ALCAM: variants seen among roughly 807,000 people sequenced by gnomAD.
ALCAM encodes activated leukocyte cell adhesion molecule.
A neutral mutation model predicts 70.9 loss-of-function variants in ALCAM; 30 were observed. That is an observed-to-expected ratio of 0.42 (90% CI 0.32 to 0.57). The LOEUF is 0.57. Among genes scored for constraint, ALCAM ranks in the 20% least tolerant of loss-of-function variants. ALCAM has a pLI of 0.11. For synonymous variants in ALCAM, 249 were observed against 242.5 expected, an observed-to-expected ratio of 1.03 and a Z score of -0.25; for missense variants, 591 against 695.1, an observed-to-expected ratio of 0.85 and a Z score of 1.68.
intron 6 of ALCAM, among the ~76,000 whole-genome samples, chr3:105,535,162 C>G (rs1328408485): frequency 1.3e-5 from 2 of 152,106 alleles, no homozygotes; most frequent in Admixed American, 1.3e-4. Flanking sequence ...TAGACTTTAA[C>G]TGGCTTTCTA....
intron 1 of ALCAM, among the ~76,000 whole-genome samples, chr3:105,442,772 T>C (rs1250675155): frequency 6.6e-6 from 1 of 151,636 alleles, no homozygotes; most frequent in Admixed American, 6.6e-5. Context: ...CAGAGCGAGA[T>C]TCCGTCTCAA....
chr3:105,547,592 C>A, intron 11 of ALCAM, 69 bp downstream of exon 11: 1 of 1,549,438 alleles, frequency 6.5e-7, no homozygotes, highest in Non-Finnish European at 8.7e-7. Context: ...ACGAACCTAC[C>A]CTATAGGTTG....
intron 1 of ALCAM, among the ~76,000 whole-genome samples, chr3:105,380,086 C>A (rs1259976380): frequency 6.6e-6 from 1 of 151,678 alleles, no homozygotes; most frequent in Non-Finnish European, 1.5e-5. Context: ...GAATAGTAGA[C>A]AAAATCTTTT....
At chr3:105,545,135 T>G (rs544826967) in intron 8 of ALCAM, 88 bp from the exon 9 acceptor site, 3 of 889,986 alleles carry the variant, frequency 3.4e-6, no homozygotes, top group East Asian at 2.5e-5. Context: ...TAGAAGAAAT[T>G]TATTTTCTTT....
chr3:105,561,276 C>G (rs1195998792), intron 14 of ALCAM, among the ~76,000 whole-genome samples: 1 of 152,076 alleles, frequency 6.6e-6, no homozygotes, highest in African/African-American at 2.4e-5. Flanking sequence ...TAGTTATATT[C>G]GTTGTTTTGT....
chr3:105,547,534 G>T lies in ALCAM; in HGVS notation c.1374+11G>T, dbSNP rs201877283. 2.5e-6 allele frequency: 4 copies of T among 1,604,728 alleles called. No homozygotes were observed. The highest frequency in any genetic ancestry group is 3.4e-6 in the Non-Finnish European group (4 of 1,175,726). ...AGCGTCATAAACCAAGCAAGTATTT[G>T]TCTTCTTGTTATATGCTGCACTTCG... On this transcript the variant is annotated intron_variant, in intron 11 of 15. Transcript: ENST00000306107.
At position 105,367,421 on chromosome 3, in the gene ALCAM, G is replaced by A. The variant is rs1474450969; in HGVS notation, c.13G>A (p.Gly5Arg). 43 of 1,613,876 alleles carry A rather than the reference G, an allele frequency of 2.7e-5. No individual in the cohort carries two copies. The highest frequency in any genetic ancestry group is 3.6e-5 in the Non-Finnish European group (43 of 1,179,918). ...AAGGAGGAGGAATATGGAATCCAAG[G>A]GGGCCAGTTCCTGCCGTCTGCTCTT... MESK[G>R]ASSCRLLFCL... The change falls in exon 1 of 16, where the codon GGG (glycine) becomes AGG (arginine). Residue 5 changes from glycine to arginine, a missense_variant. Transcript: ENST00000306107.
chr3:105,432,586 G>A (rs1448057842), intron 1 of ALCAM, among the ~76,000 whole-genome samples: 2 of 152,002 alleles, frequency 1.3e-5, no homozygotes, highest in African/African-American at 4.8e-5. Flanking sequence ...TTCCTCATCT[G>A]TAAAAAGGAA....
chr3:105,547,598 G>A, intron 11 of ALCAM, 75 bp downstream of exon 11: 1 of 1,543,062 alleles, frequency 6.5e-7, no homozygotes, highest in Non-Finnish European at 8.7e-7. Flanking sequence ...CTACCCTATA[G>A]GTTGGTTTGT....
chr3:105,559,168 A>G, intron 14 of ALCAM, among the ~76,000 whole-genome samples: 1 of 148,210 alleles, frequency 6.7e-6, no homozygotes, highest in East Asian at 1.9e-4. Flanking sequence ...AAATAAATGT[A>G]TATATATTAT....
At chr3:105,551,335 G>T (rs75101986) in intron 12 of ALCAM, among the ~76,000 whole-genome samples, 1,533 of 151,666 alleles carry the variant, frequency 0.01, 18 homozygotes, top group Middle Eastern at 0.027. Context: ...CTCTTTTTAT[G>T]TTAACCCATT....
chr3:105,519,271 T>G (rs997686563), intron 1 of ALCAM, among the ~76,000 whole-genome samples: 2 of 152,034 alleles, frequency 1.3e-5, no homozygotes, highest in African/African-American at 4.8e-5. Context: ...TTCATTCATA[T>G]GCAAAAATTG....
chr3:105,473,960 G>A (rs953644610), intron 1 of ALCAM, among the ~76,000 whole-genome samples: 1 of 151,310 alleles, frequency 6.6e-6, no homozygotes, highest in Non-Finnish European at 1.5e-5. Flanking sequence ...TTACTGCCAA[G>A]GTTGAGCCAT....
chr3:105,386,342 T>C (rs2107344411), intron 1 of ALCAM, among the ~76,000 whole-genome samples: 1 of 151,736 alleles, frequency 6.6e-6, no homozygotes, highest in Non-Finnish European at 1.5e-5. Flanking sequence ...GCACAATGGT[T>C]TATGCATGGG....
chr3:105,376,603 C>G (rs1387743005), intron 1 of ALCAM, among the ~76,000 whole-genome samples: 1 of 152,190 alleles, frequency 6.6e-6, no homozygotes, highest in African/African-American at 2.4e-5. Context: ...GTTATGTTCT[C>G]TCAGGGAAAC....
At chr3:105,536,581 C>T (rs759432511) in intron 6 of ALCAM, among the ~76,000 whole-genome samples, 1 of 152,006 alleles carries the variant, frequency 6.6e-6, no homozygotes, top group African/African-American at 2.4e-5. Flanking sequence ...TGAATGGATA[C>T]GAAGAAAATG....
rs752545144 is a variant in ALCAM at position 105,540,016 on chromosome 3, A to G, written c.772A>G (p.Asn258Asp). 3.1e-6 allele frequency: 5 copies of G among 1,612,610 alleles called. No individual in the cohort carries two copies. The South Asian group carries it at 5.5e-5, about 18-fold the overall frequency. ...QVTIQVLPPK[N>D]AIKEGDNITL... ...GACAATACAAGTGCTGCCACCAAAAAATGCCATCAAAGAAGGGGATAACAT... is the reference window on the plus strand; with the variant it reads ...GACAATACAAGTGCTGCCACCAAAAGATGCCATCAAAGAAGGGGATAACAT... Residue 258 changes from asparagine to aspartate, a missense_variant, in exon 7 of 16, where the codon AAT becomes GAT. Coordinates refer to ENST00000306107, the MANE Select transcript of ALCAM (RefSeq NM_001627.4).
At chr3:105,482,882 G>A (rs2152608113) in intron 1 of ALCAM, among the ~76,000 whole-genome samples, 1 of 152,052 alleles carries the variant, frequency 6.6e-6, no homozygotes, top group Middle Eastern at 3.4e-3. Flanking sequence ...AGGTGCTTTA[G>A]AAAAAAATCA....
At chr3:105,530,308 C>A (rs532147996) in intron 3 of ALCAM, among the ~76,000 whole-genome samples, 1 of 152,046 alleles carries the variant, frequency 6.6e-6, no homozygotes, top group Non-Finnish European at 1.5e-5. Flanking sequence ...ATCAGAGTTC[C>A]AATTATGAAC....
Sources: gnomAD v4.1 joint callset for allele counts (sites outside exome capture counted in the v4.1 genomes callset) on GRCh38, gnomAD v4.1.1 for gene constraint, MANE v1.5 for transcripts, NCBI Gene and HGNC (gene_info 2026-07-23, HGNC 2026-07-21) for gene names.